The following PLEKHG1 variants were observed in gnomAD, a reference collection of about 807,000 sequenced individuals.
PLEKHG1 encodes pleckstrin homology domain-containing family G member 1.
PLEKHG1 carries 44 observed loss-of-function variants against 100.8 expected under a neutral mutation model. That is an observed-to-expected ratio of 0.44 (90% confidence interval 0.34 to 0.56). The LOEUF is 0.56. Ranked by LOEUF, PLEKHG1 falls within the 20% of genes least tolerant of loss-of-function variation. The pLI is 0.01. For synonymous variants in PLEKHG1, 640 were observed against 662.5 expected (o/e 0.97, Z 0.52); for missense variants, 1,545 against 1,720.9 (o/e 0.90, Z 1.81).
exon 16 of PLEKHG1, chr6:150,840,409 C>T: frequency 6.2e-7 from 1 of 1,614,150 alleles, no homozygotes; most frequent in Non-Finnish European, 8.5e-7. Context: ...GACTTGCTGC[C>T]AGATATTGCT....
chr6:150,813,044 A>G (rs112635886), intron 10 of PLEKHG1, among the ~76,000 whole-genome samples: 4,221 of 152,128 alleles, frequency 0.028, 190 homozygotes, highest in African/African-American at 0.093. Flanking sequence ...GGTGGCTCAC[A>G]CCTGTAATCC....
chr6:150,810,517 AG>A (rs1787441898), intron 10 of PLEKHG1, among the ~76,000 whole-genome samples: 1 of 82,602 alleles, frequency 1.2e-5, no homozygotes. Context: ...AGAAAGAAAA[AG>A]AAAGAAAGAA....
intron 10 of PLEKHG1, among the ~76,000 whole-genome samples, chr6:150,812,719 G>T (rs1787603918): frequency 6.6e-6 from 1 of 152,178 alleles, no homozygotes; most frequent in Non-Finnish European, 1.5e-5. Context: ...TGAGCAGATG[G>T]CAGGGAAGGA....
intron 10 of PLEKHG1, among the ~76,000 whole-genome samples, chr6:150,817,352 CAG>C (rs1562547475): frequency 6.6e-6 from 1 of 152,122 alleles, no homozygotes; most frequent in African/African-American, 2.4e-5. Context: ...GTTGGGGAAA[CAG>C]AGAGACTTAG....
At chr6:150,797,353 A>G (rs1462965782) in intron 5 of PLEKHG1, among the ~76,000 whole-genome samples, 1 of 152,156 alleles carries the variant, frequency 6.6e-6, no homozygotes, top group Non-Finnish European at 1.5e-5. Context: ...GAGTAACCCC[A>G]GAAAGCCAGT....
At chr6:150,668,621 C>T (rs1458453670) in intron 3 of PLEKHG1, among the ~76,000 whole-genome samples, 1 of 152,168 alleles carries the variant, frequency 6.6e-6, no homozygotes, top group Non-Finnish European at 1.5e-5. Context: ...ACATTCCACT[C>T]AGCTGGGCGC....
At chr6:150,825,878 A>G (rs1776569049) in intron 14 of PLEKHG1, among the ~76,000 whole-genome samples, 1 of 152,212 alleles carries the variant, frequency 6.6e-6, no homozygotes, top group Non-Finnish European at 1.5e-5. Flanking sequence ...CAAGTGTTCT[A>G]TAAATGATAG....
upstream of PLEKHG1, among the ~76,000 whole-genome samples, chr6:150,716,754 C>T (rs1017309208): frequency 1.3e-5 from 2 of 152,216 alleles, no homozygotes; most frequent in African/African-American, 4.8e-5. Flanking sequence ...GTGGCTCCTT[C>T]GCCCTTCCCA....
In PLEKHG1 at chr6:150,831,766, G is replaced by A. The variant is rs1459177699; in HGVS notation, c.2655G>A (p.Gly885=). The change falls in exon 15 of 16, where the codon GGG becomes GGA. Residue 885 remains glycine (G), a synonymous_variant. Transcript: ENST00000358517. The surrounding 1 kb of genome is among the most constrained non-coding windows in gnomAD (Gnocchi z 4.1). ...CCCCTGAGCTGAGCCGGGACGTGGGGCGCTCTGTGTCCACGCTGTCCCTGC... is the reference window on the plus strand; with the variant it reads ...CCCCTGAGCTGAGCCGGGACGTGGGACGCTCTGTGTCCACGCTGTCCCTGC... The A allele has an allele frequency of 4.3e-6, 7 of 1,613,628 alleles. No homozygotes were observed. The highest frequency in any genetic ancestry group is 2.2e-5 in the East Asian group (1 of 44,894).
intron 15 of PLEKHG1, among the ~76,000 whole-genome samples, chr6:150,838,550 G>T (rs1237803066): frequency 6.6e-6 from 1 of 152,224 alleles, no homozygotes; most frequent in Non-Finnish European, 1.5e-5. Flanking sequence ...ATTCTAGGGT[G>T]GTTGTGCAGA....
chr6:150,728,877 C>T (rs1782095888), intron 1 of PLEKHG1, among the ~76,000 whole-genome samples: 1 of 151,884 alleles, frequency 6.6e-6, no homozygotes, highest in African/African-American at 2.4e-5. Context: ...GCCTGGGCAA[C>T]AAGAGCAAAA....
chr6:150,714,119 T>C (rs923195596), intron 3 of PLEKHG1, among the ~76,000 whole-genome samples: 2 of 152,180 alleles, frequency 1.3e-5, no homozygotes, highest in African/African-American at 4.8e-5. Flanking sequence ...TGGAGAAAAA[T>C]GTGTCTGGAA....
At chr6:150,603,192 G>A (rs1207810250) in intron 1 of PLEKHG1, among the ~76,000 whole-genome samples, 1 of 152,116 alleles carries the variant, frequency 6.6e-6, no homozygotes, top group Non-Finnish European at 1.5e-5. Flanking sequence ...AGGCAGGGAT[G>A]GGAAGGAAAA....
At chr6:150,684,652 C>G (rs933268441) in intron 3 of PLEKHG1, among the ~76,000 whole-genome samples, 7 of 152,054 alleles carry the variant, frequency 4.6e-5, no homozygotes, top group African/African-American at 1.7e-4. Context: ...CAGTAATGAT[C>G]GAGGCCTCCA....
intron 1 of PLEKHG1, among the ~76,000 whole-genome samples, chr6:150,617,734 C>A (rs1326449507): frequency 6.6e-6 from 1 of 152,194 alleles, no homozygotes; most frequent in East Asian, 1.9e-4. Context: ...GGCAAGAGAG[C>A]CTTCACCAGG....
At chr6:150,733,892 A>C in exon 2 of PLEKHG1, 2 of 1,614,180 alleles carry the variant, frequency 1.2e-6, no homozygotes, top group Non-Finnish European at 1.7e-6. Context: ...GCAGAGGGAC[A>C]ACCCCGCCAC....
intron 3 of PLEKHG1, among the ~76,000 whole-genome samples, chr6:150,681,703 G>T (rs996978135): frequency 2.0e-5 from 3 of 151,926 alleles, no homozygotes; most frequent in Non-Finnish European, 4.4e-5. Flanking sequence ...TTCCCTAAAT[G>T]CAGCCAGGAG....
At chr6:150,750,071 C>CAAAAAAAAAAA (rs1303835261) in intron 2 of PLEKHG1, among the ~76,000 whole-genome samples, 8 of 129,882 alleles carry the variant, frequency 6.2e-5, no homozygotes, top group African/African-American at 2.5e-4. Context: ...GACTCTGTCT[C>CAAAAAAAAAAA]AAAAAAAAAA....
chr6:150,709,516 C>T (rs2128603658), intron 3 of PLEKHG1, among the ~76,000 whole-genome samples: 1 of 152,272 alleles, frequency 6.6e-6, no homozygotes, highest in African/African-American at 2.4e-5. Flanking sequence ...TGGTGGGACC[C>T]TCACCCCAAA....
Sources: gnomAD v4.1 joint callset for allele counts (sites outside exome capture counted in the v4.1 genomes callset) on GRCh38, gnomAD v4.1.1 for gene constraint, Gnocchi (gnomAD v3.1) non-coding constraint, MANE v1.5 for transcripts, NCBI Gene and HGNC (gene_info 2026-07-23, HGNC 2026-07-21) for gene names.